CTPS2: variants seen among roughly 807,000 people sequenced by gnomAD.
CTPS2 encodes the protein CTP synthase II.
In CTPS2, 19 loss-of-function variants were observed where a neutral mutation model predicts 46.8. The observed-to-expected ratio is 0.41, with a 90% CI of 0.28 to 0.60. The LOEUF is 0.60. Among genes scored for constraint, CTPS2 ranks in the 20% least tolerant of loss-of-function variants. The pLI, the probability that CTPS2 is intolerant of heterozygous loss-of-function variation, is 0.35. For missense variants in CTPS2, 286 were observed against 447.6 expected, an observed-to-expected ratio of 0.64 and a Z score of 3.26; for synonymous variants, 151 against 165.2, an observed-to-expected ratio of 0.91 and a Z score of 0.66.
chrX:16,608,321 T>C lies in CTPS2; in HGVS notation c.1691+1220A>G, dbSNP rs759288558. ...CATTGTACAGGCTGGGCACAGTGGC[T>C]CATACCTATAATGCCAGCACTTTGG... On this transcript the variant is annotated intron_variant, in intron 17 of 18. Coordinates refer to ENST00000359276, the MANE Select transcript of CTPS2 (RefSeq NM_175859.3). Among the ~76,000 whole-genome samples the C allele has an allele frequency of 6.4e-3, 712 of 111,702 alleles. 4 individuals carry two copies. Among genetic ancestry groups the C allele is most frequent in the Non-Finnish European group, 0.011 (589 of 53,166 alleles).
At chrX:16,645,246 G>A (rs1014197212) in intron 13 of CTPS2, among the ~76,000 whole-genome samples, 13 of 109,611 alleles carry the variant, frequency 1.2e-4, no homozygotes, top group Non-Finnish European at 2.5e-4. Context: ...ACACGCCTCA[G>A]CCTCCCAAAG....
intron 13 of CTPS2, among the ~76,000 whole-genome samples, chrX:16,653,502 C>G (rs1932750383): frequency 8.9e-6 from 1 of 111,812 alleles, no homozygotes; most frequent in Non-Finnish European, 1.9e-5. Context: ...CCCAGCTACT[C>G]GGGAGGCTGA....
At chrX:16,681,082 T>G (rs1922708309) in intron 9 of CTPS2, among the ~76,000 whole-genome samples, 1 of 110,746 alleles carries the variant, frequency 9.0e-6, no homozygotes, top group East Asian at 2.8e-4. Context: ...GCTATTCGGG[T>G]GGCTAAGGCA....
intron 18 of CTPS2, among the ~76,000 whole-genome samples, chrX:16,590,423 T>C (rs1928831269): frequency 8.9e-6 from 1 of 111,921 alleles, no homozygotes; most frequent in Admixed American, 9.5e-5. Context: ...ACTGCATGGC[T>C]CATAAGCCTA....
intron 10 of CTPS2, among the ~76,000 whole-genome samples, chrX:16,673,495 G>A (rs1921957094): frequency 9.0e-6 from 1 of 110,823 alleles, no homozygotes; most frequent in African/African-American, 3.3e-5. Flanking sequence ...CTAGTTTAGG[G>A]GATAAGCCTT....
chrX:16,706,056 G>A (rs762496993), intron 1 of CTPS2, among the ~76,000 whole-genome samples: 1 of 107,546 alleles, frequency 9.3e-6, no homozygotes, highest in Admixed American at 1.0e-4. Context: ...AGCCGAGATT[G>A]TGCCACTGCA....
intron 16 of CTPS2, among the ~76,000 whole-genome samples, chrX:16,615,983 T>C (rs1313866652): frequency 8.9e-6 from 1 of 112,343 alleles, no homozygotes; most frequent in African/African-American, 3.2e-5. Context: ...ACTTTTCACA[T>C]GTCACAGACA....
At chrX:16,590,690 C>G (rs1372994165) in intron 18 of CTPS2, 62 bp downstream of exon 18, 5 of 636,568 alleles carry the variant, frequency 7.9e-6, no homozygotes, top group Non-Finnish European at 1.3e-5. Context: ...ATACCCGCCT[C>G]TATACCAAGA....
chrX:16,668,515 G>T (rs1378659976), intron 11 of CTPS2, among the ~76,000 whole-genome samples: 2 of 107,806 alleles, frequency 1.9e-5, no homozygotes, highest in Non-Finnish European at 3.8e-5. Context: ...AACCTGGGAG[G>T]CAGAGCTTAC....
chrX:16,643,178 G>C (rs1040373055), intron 13 of CTPS2, among the ~76,000 whole-genome samples: 3 of 111,883 alleles, frequency 2.7e-5, no homozygotes, highest in African/African-American at 9.8e-5. Context: ...AAACAACAAA[G>C]TCTACAGGAG....
chrX:16,705,784 C>G, intron 1 of CTPS2, among the ~76,000 whole-genome samples: 1 of 110,687 alleles, frequency 9.0e-6, no homozygotes, highest in Non-Finnish European at 1.9e-5. Context: ...GGGATGGCCC[C>G]TTTGCAGGCT....
chrX:16,661,550 A>T (rs764356847), intron 13 of CTPS2, among the ~76,000 whole-genome samples: 1 of 112,127 alleles, frequency 8.9e-6, no homozygotes, highest in East Asian at 2.8e-4. Flanking sequence ...GGAAAATGTT[A>T]TGCATTAATC....
chrX:16,639,198 T>A lies in CTPS2; in HGVS notation c.1342A>T (p.Met448Leu). 8.3e-7 allele frequency: 1 copy of A among 1,210,278 alleles called. No homozygotes were observed. The highest frequency in any genetic ancestry group is 1.1e-6 in the Non-Finnish European group (1 of 894,036). ...EHNPGNLGGT[M>L]RLGIRRTVFK... ...ACAGTTCTTCTTATTCCCAGTCTCA[T>A]TGTTCCTCCCAAATTGCCAGGGTTG... is the stretch of plus-strand genomic sequence containing the variant. The change falls in exon 14 of 19, where the codon ATG becomes TTG. Residue 448 changes from methionine to leucine, a missense_variant. By Grantham distance (15) the Met-to-Leu change is conservative (BLOSUM62 2). Transcript: ENST00000359276.
Position 16,659,302 on chromosome X carries a change from G to A in CTPS2, c.1296+8212C>T, listed in dbSNP as rs745552605. On this transcript the variant is annotated intron_variant, in intron 13 of 18. Coordinates refer to ENST00000359276, the MANE Select transcript of CTPS2 (RefSeq NM_175859.3). ...AATTTCCAGACCTCTGAGATTCTAA[G>A]TCAGTAAGTTTGGGACCAGGTCAGG... is the stretch of plus-strand genomic sequence containing the variant. Among the ~76,000 whole-genome samples the A allele has an allele frequency of 4.5e-5, 5 of 111,632 alleles. No individual in the cohort carries two copies. In the South Asian group the frequency reaches 1.9e-3, roughly 42 times the overall value.
At chrX:16,705,994 G>C (rs1483692393) in intron 1 of CTPS2, among the ~76,000 whole-genome samples, 1 of 108,593 alleles carries the variant, frequency 9.2e-6, no homozygotes, top group African/African-American at 3.4e-5. Flanking sequence ...CTGGCTACTA[G>C]GGAGGCTGAG....
At chrX:16,619,201 G>C (rs1392912511) in intron 15 of CTPS2, among the ~76,000 whole-genome samples, 1 of 112,171 alleles carries the variant, frequency 8.9e-6, no homozygotes, top group African/African-American at 3.2e-5. Context: ...CTTCAAAACA[G>C]AGCCCTAGGC....
At chrX:16,706,223 A>G (rs1300047912) in intron 1 of CTPS2, among the ~76,000 whole-genome samples, 1 of 111,819 alleles carries the variant, frequency 8.9e-6, no homozygotes, top group Admixed American at 9.6e-5. Flanking sequence ...CAGGAGTTCG[A>G]GACCAGCCTG....
At chrX:16,595,997 T>C (rs1028891643) in intron 17 of CTPS2, among the ~76,000 whole-genome samples, 3 of 111,149 alleles carry the variant, frequency 2.7e-5, no homozygotes, top group Non-Finnish European at 5.7e-5. Context: ...GCCTCCCGAG[T>C]AGCTGGGACT....
At chrX:16,623,462 G>A (rs1454108444) in intron 14 of CTPS2, among the ~76,000 whole-genome samples, 1 of 111,111 alleles carries the variant, frequency 9.0e-6, no homozygotes, top group Admixed American at 9.7e-5. Context: ...ATCTCCATGG[G>A]TTCAATTGTT....
Sources: gnomAD v4.1 joint callset for allele counts (sites outside exome capture counted in the v4.1 genomes callset) on GRCh38, gnomAD v4.1.1 for gene constraint, MANE v1.5 for transcripts, NCBI Gene and HGNC (gene_info 2026-07-23, HGNC 2026-07-21) for gene names.